Variants in PCDHGA10 observed in about 807,000 individuals in gnomAD.
PCDHGA10 encodes the protein protocadherin gamma-A10.
Under a neutral mutation model 59.5 loss-of-function variants are expected in PCDHGA10, and 42 were observed. The observed-to-expected ratio is 0.71, with a 90% CI of 0.55 to 0.91. The LOEUF (loss-of-function observed/expected upper bound fraction) is 0.91, where lower values mean the gene tolerates loss of function less well. Ranked by LOEUF, PCDHGA10 falls within the 40% of genes least tolerant of loss-of-function variation. The pLI, the probability that PCDHGA10 is intolerant of heterozygous loss-of-function variation, is 0.00. For synonymous variants in PCDHGA10, 511 were observed against 517.2 expected (o/e 0.99, Z 0.16); for missense variants, 1,111 against 1,198.2 (o/e 0.93, Z 1.07).
chr5:141,423,184 C>A (rs747938944), intron 1 of PCDHGA10: 1 of 1,613,442 alleles, frequency 6.2e-7, no homozygotes, highest in South Asian at 1.1e-5. Flanking sequence ...CCACGGCCAG[C>A]CCCCTCTCTC....
chr5:141,501,544 G>T (rs1297191346), intron 2 of PCDHGA10, among the ~76,000 whole-genome samples: 3 of 151,962 alleles, frequency 2.0e-5, no homozygotes, highest in African/African-American at 7.3e-5. Flanking sequence ...TTGTGCATAA[G>T]ATCATAGGCC....
Position 141,485,064 on chromosome 5 carries a change from G to C in PCDHGA10, c.2437-9743G>C, listed in dbSNP as rs1205637757. On this transcript the variant is annotated intron_variant, in intron 1 of 3. Transcript: ENST00000398610. The surrounding 1 kb of genome is among the most constrained non-coding windows in gnomAD (Gnocchi z 5.7). ...TTGCGGCGCCGGCCGAACCGCGCCA[G>C]AGCTGGCGCGGGGAAAGGGAGATAG... The C allele has an allele frequency of 4.9e-5, 43 of 882,320 alleles. No individual in the cohort carries two copies. The highest frequency in any genetic ancestry group is 7.4e-5 in the Non-Finnish European group (41 of 557,230). 54.7% of individuals were successfully genotyped at this position (882,320 alleles called of 1,614,324 possible).
chr5:141,505,832 T>G (rs1006398435), intron 3 of PCDHGA10, among the ~76,000 whole-genome samples: 1 of 152,188 alleles, frequency 6.6e-6, no homozygotes, highest in African/African-American at 2.4e-5. Flanking sequence ...AAACCTCAGT[T>G]TCCTCAGCCT....
chr5:141,415,740 G>GTTTTTTTTTTT (rs57426385), intron 1 of PCDHGA10, 129 bp downstream of exon 1: 102 of 625,036 alleles, frequency 1.6e-4, no homozygotes, highest in Admixed American at 2.1e-4. Context: ...GTTTATTAAG[G>GTTTTTTTTTTT]TTTTTTTTTT....
At chr5:141,415,853 G>C (rs2154546169) in intron 1 of PCDHGA10, 1 of 1,186,350 alleles carries the variant, frequency 8.4e-7, no homozygotes, top group Admixed American at 4.0e-5. Context: ...GCAGAACCTT[G>C]TAGTTTATAG....
At chr5:141,467,906 A>T (rs917983299) in intron 1 of PCDHGA10, among the ~76,000 whole-genome samples, 5 of 152,002 alleles carry the variant, frequency 3.3e-5, no homozygotes, top group African/African-American at 9.7e-5. Flanking sequence ...AAATCCGCCC[A>T]CCTCAGCCTC....
intron 2 of PCDHGA10, among the ~76,000 whole-genome samples, chr5:141,499,265 C>T (rs1220250999): frequency 6.6e-6 from 1 of 152,128 alleles, no homozygotes; most frequent in African/African-American, 2.4e-5. Context: ...CATTTGGTCC[C>T]TAGACTGTTC....
chr5:141,481,208 A>G lies in PCDHGA10; in HGVS notation c.2437-13599A>G, dbSNP rs116577118. On this transcript the variant is annotated intron_variant, in intron 1 of 3. Coordinates refer to ENST00000398610, the MANE Select transcript of PCDHGA10 (RefSeq NM_018913.3). ...GCCAGGCCCAATTTTTTTAAAAAACATGGTAAGGTCTCCCAGCCTTAAAGT... is the reference window on the plus strand; with the variant it reads ...GCCAGGCCCAATTTTTTTAAAAAACGTGGTAAGGTCTCCCAGCCTTAAAGT... 3.5e-3 allele frequency among the ~76,000 whole-genome samples: 528 copies of G among 152,350 alleles called. 2 individuals carry two copies. Among genetic ancestry groups the G allele is most frequent in the African/African-American group, 0.012 (490 of 41,572 alleles).
In PCDHGA10 at chr5:141,413,439, G is replaced by A. The variant is rs747331348; in HGVS notation, c.264G>A (p.Leu88=). 179 of 1,613,988 alleles carry A rather than the reference G, an allele frequency of 1.1e-4. No homozygotes were observed. Among genetic ancestry groups the A allele is most frequent in the Non-Finnish European group, 1.4e-4 (163 of 1,179,976 alleles). ...CTCTGAACCCGCGCAGCGGCAGCTT[G>A]ATCACCGCGGGCAGGATAGACCGGG... ...LFSLNPRSGS[L]ITAGRIDREE... Residue 88 remains leucine, a synonymous_variant, in exon 1 of 4, where the codon TTG becomes TTA. Coordinates refer to ENST00000398610, the MANE Select transcript of PCDHGA10 (RefSeq NM_018913.3).
rs369942815 is a variant in PCDHGA10, at chr5:141,485,334, T to A, written c.2437-9473T>A. 5.4e-5 allele frequency: 87 copies of A among 1,614,056 alleles called. No individual in the cohort carries two copies. Among genetic ancestry groups the A allele is most frequent in the Non-Finnish European group, 7.0e-5 (83 of 1,180,026 alleles). On this transcript the variant is annotated intron_variant, in intron 1 of 3. Coordinates refer to ENST00000398610, the MANE Select transcript of PCDHGA10 (RefSeq NM_018913.3). The surrounding 1 kb of genome is among the most constrained non-coding windows in gnomAD (Gnocchi z 5.7). Reference sequence around the variant, plus strand: ...GGGAATGTCGCTCAAGATTTCCTGCTGGATACGGACAGTCTGTCAGCTCGC... The same window carrying A: ...GGGAATGTCGCTCAAGATTTCCTGCAGGATACGGACAGTCTGTCAGCTCGC...
intron 1 of PCDHGA10, among the ~76,000 whole-genome samples, chr5:141,460,454 T>C (rs1010186960): frequency 6.6e-6 from 1 of 152,194 alleles, no homozygotes; most frequent in Admixed American, 6.6e-5. Context: ...TGAAGATTCA[T>C]ATTTTTTTCC....
intron 1 of PCDHGA10, among the ~76,000 whole-genome samples, chr5:141,450,375 A>G (rs1338336573): frequency 1.3e-5 from 2 of 152,166 alleles, no homozygotes; most frequent in Non-Finnish European, 2.9e-5. Context: ...GTTTGTTTAT[A>G]TGAAACTGAC....
rs958652662 is a variant in PCDHGA10, at chr5:141,494,839, T to C, written c.2469T>C (p.Ser823=). 6.2e-7 allele frequency: 1 copy of C among 1,614,106 alleles called. No individual in the cohort carries two copies. Among genetic ancestry groups the C allele is most frequent in the Non-Finnish European group, 8.5e-7 (1 of 1,180,016 alleles). ...QAPPNTDWRF[S]QAQRPGTSGS... ...CGCCCAACACGGACTGGCGTTTCTC[T>C]CAGGCCCAGAGACCCGGCACCAGCG... The change falls in exon 2 of 4, where the codon TCT becomes TCC. Residue 823 remains serine (S), a synonymous_variant. Coordinates refer to ENST00000398610, the MANE Select transcript of PCDHGA10 (RefSeq NM_018913.3).
intron 1 of PCDHGA10, chr5:141,429,167 T>TATAC (rs1240034860): frequency 3.1e-4 from 42 of 136,210 alleles, no homozygotes; most frequent in African/African-American, 7.0e-4. Flanking sequence ...AGACATTGTT[T>TATAC]ATACACACAC....
At chr5:141,436,910 TGTGA>T (rs1332506247) in intron 1 of PCDHGA10, among the ~76,000 whole-genome samples, 1 of 152,228 alleles carries the variant, frequency 6.6e-6, no homozygotes, top group Non-Finnish European at 1.5e-5. Flanking sequence ...GAGACAATTT[TGTGA>T]GTGTTACTTT....
chr5:141,477,219 G>A lies in PCDHGA10; in HGVS notation c.2437-17588G>A. ...CCAGTACCCGAGGATGCCCCTCTGG[G>A]GACTGTCATCGCTTTGCTCAGTGTG... On this transcript the variant is annotated intron_variant, in intron 1 of 3. Coordinates refer to ENST00000398610, the MANE Select transcript of PCDHGA10 (RefSeq NM_018913.3). The surrounding 1 kb of genome is among the most constrained non-coding windows in gnomAD (Gnocchi z 4.9). 1 of 1,614,162 alleles carries A rather than the reference G, an allele frequency of 6.2e-7. No homozygotes were observed. The highest frequency in any genetic ancestry group is 8.5e-7 in the Non-Finnish European group (1 of 1,180,038).
rs527514615 is a variant in PCDHGA10 at position 141,485,941 on chromosome 5, A to G, written c.2437-8866A>G. ...GGATTAGTGTGTTGGAGAGCGCACC[A>G]GCGGGCATGGTGCTCATCCAGCTCA... is the stretch of plus-strand genomic sequence containing the variant. On this transcript the variant is annotated intron_variant, in intron 1 of 3. Coordinates refer to ENST00000398610, the MANE Select transcript of PCDHGA10 (RefSeq NM_018913.3). This position sits in a 1 kb window ranked among gnomAD's most constrained non-coding sequence, Gnocchi z 5.7. The G allele has an allele frequency of 2.5e-6, 4 of 1,614,180 alleles. No homozygotes were observed. The highest frequency in any genetic ancestry group is 2.7e-5 in the African/African-American group (2 of 75,032).
At chr5:141,495,089 C>G (rs1440289878) in intron 2 of PCDHGA10, among the ~76,000 whole-genome samples, 2 of 152,284 alleles carry the variant, frequency 1.3e-5, no homozygotes, top group East Asian at 3.9e-4. Flanking sequence ...TGCCCCTTCC[C>G]TCCTCGCCAC....
chr5:141,485,682 A>G lies in PCDHGA10; in HGVS notation c.2437-9125A>G, dbSNP rs779441999. Reference sequence around the variant, plus strand: ...GTGGGGAGCAATTCGATTAGCAGCTATAGGCTGAGCTCCAATGAACACTTT... The same window carrying G: ...GTGGGGAGCAATTCGATTAGCAGCTGTAGGCTGAGCTCCAATGAACACTTT... On this transcript the variant is annotated intron_variant, in intron 1 of 3. Coordinates refer to ENST00000398610, the MANE Select transcript of PCDHGA10 (RefSeq NM_018913.3). This position sits in a 1 kb window ranked among gnomAD's most constrained non-coding sequence, Gnocchi z 5.7. 6.2e-7 allele frequency: 1 copy of G among 1,614,076 alleles called. No homozygotes were observed. Among genetic ancestry groups the G allele is most frequent in the Non-Finnish European group, 8.5e-7 (1 of 1,179,964 alleles).
Sources: allele counts gnomAD v4.1 joint callset (sites outside exome capture counted in the v4.1 genomes callset), GRCh38; gene constraint gnomAD v4.1.1; non-coding constraint Gnocchi (gnomAD v3.1); transcripts MANE v1.5; gene names NCBI Gene and HGNC (gene_info 2026-07-23, HGNC 2026-07-21).